The following CDH13 variants were observed in gnomAD, a reference collection of about 807,000 sequenced individuals.
The protein encoded by CDH13 is cadherin-13.
CDH13 carries 24 observed loss-of-function variants against 63.8 expected under a neutral mutation model. The observed-to-expected ratio is 0.38, with a 90% CI of 0.27 to 0.53. The LOEUF is 0.53. Ranked by LOEUF, CDH13 falls within the 20% of genes least tolerant of loss-of-function variation. The probability of loss-of-function intolerance (pLI) is 0.85; values close to 1 mark genes in which losing one functional copy is unlikely to be tolerated. For synonymous variants in CDH13, 503 were observed against 355.3 expected (o/e 1.42, Z -4.67); for missense variants, 1,049 against 903.1 (o/e 1.16, Z -2.07).
chr16:82,947,165 T>C (rs530253174), intron 2 of CDH13, among the ~76,000 whole-genome samples: 6 of 152,300 alleles, frequency 3.9e-5, no homozygotes, highest in Admixed American at 1.3e-4. Flanking sequence ...TAAGCTTGAG[T>C]GATCCATCAC....
intron 4 of CDH13, among the ~76,000 whole-genome samples, chr16:83,213,338 A>C (rs1305967264): frequency 6.6e-6 from 1 of 152,164 alleles, no homozygotes; most frequent in Non-Finnish European, 1.5e-5. Context: ...TGGGTCTAGA[A>C]TTCAGCTTTC....
intron 3 of CDH13, among the ~76,000 whole-genome samples, chr16:83,059,996 G>C (rs982840743): frequency 6.6e-6 from 1 of 151,636 alleles, no homozygotes; most frequent in South Asian, 2.1e-4. Flanking sequence ...GGGTTTCACC[G>C]TGTTAGCCAG....
chr16:82,937,220 C>T (rs927470927), intron 2 of CDH13, among the ~76,000 whole-genome samples: 5 of 152,146 alleles, frequency 3.3e-5, no homozygotes, highest in African/African-American at 1.2e-4. Context: ...ATAGTACAAG[C>T]CGTGACTCAT....
chr16:83,018,202 A>G (rs1328481573), intron 2 of CDH13, among the ~76,000 whole-genome samples: 1 of 152,140 alleles, frequency 6.6e-6, no homozygotes, highest in Non-Finnish European at 1.5e-5. Context: ...AAAATGGTTG[A>G]AATATCGGAT....
chr16:83,064,524 G>C (rs562283876), intron 3 of CDH13, among the ~76,000 whole-genome samples: 2 of 152,114 alleles, frequency 1.3e-5, no homozygotes, highest in South Asian at 4.2e-4. Flanking sequence ...ATTAATATTA[G>C]CAATATCTTC....
intron 6 of CDH13, among the ~76,000 whole-genome samples, chr16:83,388,696 T>G (rs960150895): frequency 6.6e-6 from 1 of 152,160 alleles, no homozygotes; most frequent in Non-Finnish European, 1.5e-5. Flanking sequence ...TAAAGCCATA[T>G]ATTTCCAAGG....
intron 6 of CDH13, among the ~76,000 whole-genome samples, chr16:83,426,667 G>A (rs2071910841): frequency 6.6e-6 from 1 of 152,098 alleles, no homozygotes; most frequent in Non-Finnish European, 1.5e-5. Flanking sequence ...CTACATCATA[G>A]TCTGCCTACA....
At chr16:83,652,144 G>C (rs1401837923) in intron 8 of CDH13, among the ~76,000 whole-genome samples, 1 of 152,202 alleles carries the variant, frequency 6.6e-6, no homozygotes, top group Non-Finnish European at 1.5e-5. Flanking sequence ...TTACAGTCGG[G>C]CCCAAGGGGT....
chr16:82,880,303 G>A (rs76660575), intron 2 of CDH13, among the ~76,000 whole-genome samples: 1 of 152,072 alleles, frequency 6.6e-6, no homozygotes, highest in Non-Finnish European at 1.5e-5. Context: ...TGGATGAGGG[G>A]TCTGAAGGTT....
intron 5 of CDH13, among the ~76,000 whole-genome samples, chr16:83,229,437 T>G (rs2039939695): frequency 6.6e-6 from 1 of 152,198 alleles, no homozygotes; most frequent in Non-Finnish European, 1.5e-5. Context: ...CCCCATTTAG[T>G]CTGGCATAAT....
intron 8 of CDH13, among the ~76,000 whole-genome samples, chr16:83,666,609 G>T (rs1335159213): frequency 6.6e-6 from 1 of 152,146 alleles, no homozygotes; most frequent in Admixed American, 6.5e-5. Flanking sequence ...GTTCTCTCTG[G>T]CTCTCCCCTT....
chr16:83,345,064 T>A, intron 6 of CDH13, 58 bp downstream of exon 6: 2 of 1,578,842 alleles, frequency 1.3e-6, no homozygotes, highest in Non-Finnish European at 1.7e-6. Context: ...CACTTTGATC[T>A]TTGTGGATTC....
intron 3 of CDH13, among the ~76,000 whole-genome samples, chr16:83,048,079 C>T (rs1468222713): frequency 6.6e-6 from 1 of 152,080 alleles, no homozygotes; most frequent in Non-Finnish European, 1.5e-5. Context: ...ATAGCTGTAT[C>T]CAAAAGGGTT....
rs560989594 is a variant in CDH13, at chr16:83,757,368, A to G, written c.1681+9118A>G. Reference sequence around the variant, plus strand: ...TGAGGCGGGTGAATCACCTGAGGTCAGGAGATCGAGACCAGCCTGGCCAAC... The same window carrying G: ...TGAGGCGGGTGAATCACCTGAGGTCGGGAGATCGAGACCAGCCTGGCCAAC... On this transcript the variant is annotated intron_variant, in intron 11 of 13. Transcript: ENST00000567109. 2.2e-3 allele frequency among the ~76,000 whole-genome samples: 338 copies of G among 152,268 alleles called. 4 individuals are homozygous for G. Among genetic ancestry groups the G allele is most frequent in the Non-Finnish European group, 2.5e-3 (170 of 68,012 alleles).
chr16:83,138,112 G>T (rs1358614198), intron 4 of CDH13, among the ~76,000 whole-genome samples: 4 of 152,166 alleles, frequency 2.6e-5, no homozygotes, highest in Admixed American at 6.5e-5. Context: ...TTGCATTAAA[G>T]ATGTTGCTGT....
chr16:83,672,409 C>T (rs55857207), intron 9 of CDH13, among the ~76,000 whole-genome samples: 238 of 35,158 alleles, frequency 6.8e-3, no homozygotes, highest in Non-Finnish European at 9.5e-3. Flanking sequence ...TCTGGATTCT[C>T]TTTTTTTTTT....
intron 13 of CDH13, among the ~76,000 whole-genome samples, chr16:83,791,552 C>A (rs1916264259): frequency 6.6e-6 from 1 of 152,084 alleles, no homozygotes; most frequent in Admixed American, 6.6e-5. Context: ...GTGGCTCATA[C>A]CTGTAATCCC....
chr16:83,660,148 G>C (rs1830244945), intron 8 of CDH13, among the ~76,000 whole-genome samples: 1 of 152,086 alleles, frequency 6.6e-6, no homozygotes, highest in African/African-American at 2.4e-5. Flanking sequence ...CCACGGACCA[G>C]GATTGCGGGG....
chr16:82,697,351 T>C (rs974242976), intron 1 of CDH13, among the ~76,000 whole-genome samples: 1 of 151,880 alleles, frequency 6.6e-6, no homozygotes, highest in Non-Finnish European at 1.5e-5. Flanking sequence ...GATGAGGCTT[T>C]GTCACTCTCA....
Sources: allele counts gnomAD v4.1 joint callset (sites outside exome capture counted in the v4.1 genomes callset), GRCh38; gene constraint gnomAD v4.1.1; transcripts MANE v1.5; gene names NCBI Gene and HGNC (gene_info 2026-07-23, HGNC 2026-07-21).